Variants in TSPAN10 observed in about 807,000 individuals in gnomAD.
TSPAN10 encodes the protein tetraspanin 10.
Under a neutral mutation model 15.0 loss-of-function variants are expected in TSPAN10, and 11 were observed. The observed-to-expected ratio is 0.73, with a 90% CI of 0.46 to 1.21. The LOEUF (loss-of-function observed/expected upper bound fraction) is 1.21. Among genes scored for constraint, TSPAN10 ranks in the 50% most tolerant of loss-of-function variants. The probability of loss-of-function intolerance (pLI) is 0.00; values close to 1 mark genes in which losing one functional copy is unlikely to be tolerated. For synonymous variants in TSPAN10, 241 were observed against 226.2 expected, an observed-to-expected ratio of 1.07 and a Z score of -0.59; for missense variants, 486 against 470.6, an observed-to-expected ratio of 1.03 and a Z score of -0.30.
upstream of TSPAN10, chr17:81,637,538 C>T: frequency 6.8e-6 from 4 of 591,228 alleles, no homozygotes; most frequent in South Asian, 7.6e-5. Context: ...GTGGCTCATA[C>T]CTGTAATCCC....
upstream of TSPAN10, chr17:81,638,819 C>T (rs1197396459): frequency 2.0e-5 from 3 of 152,080 alleles, no homozygotes; most frequent in Non-Finnish European, 4.4e-5. Context: ...AAGCGCTGAT[C>T]TGTTTTTTAA....
chr17:81,645,344 T>C (rs777729752), exon 2 of TSPAN10: 2 of 1,574,258 alleles, frequency 1.3e-6, no homozygotes, highest in South Asian at 1.2e-5. Context: ...GGAGGGCTGG[T>C]GGTCAGCGCA....
chr17:81,647,981 C>T (rs1376132829), exon 3 of TSPAN10: 3 of 1,611,202 alleles, frequency 1.9e-6, no homozygotes, highest in African/African-American at 2.7e-5. Flanking sequence ...GAAGATGGAG[C>T]CTCTGTCAAC....
rs376318100 is a variant in TSPAN10, at chr17:81,645,123, C to A, written c.168C>A (p.Ala56=). The stretch of plus-strand genomic sequence containing the variant: ...GTCCCCCGGAGACCAAGCACCAGGC[C>A]TTGAGTGGCACCCCCAAGAAAGGAC... The change falls in exon 2 of 3, where the codon GCC becomes GCA. Residue 56 remains alanine (A), a synonymous_variant. Coordinates refer to ENST00000611590, the Ensembl canonical transcript of TSPAN10. The A allele has an allele frequency of 1.6e-4, 247 of 1,582,210 alleles. 1 individual carries two copies. The highest frequency in any genetic ancestry group is 2.0e-4 in the Non-Finnish European group (231 of 1,170,612).
At chr17:81,641,883 C>CA (rs1324735781), upstream of TSPAN10, among the ~76,000 whole-genome samples, 1 of 104,232 alleles carries the variant, frequency 9.6e-6, no homozygotes, top group Non-Finnish European at 1.7e-5. Flanking sequence ...GTCTCAAAAA[C>CA]AAAAACAAGG....
chr17:81,645,763 A>C lies in TSPAN10; in HGVS notation c.674+134A>C, dbSNP rs1429300557. 1.7e-5 allele frequency: 20 copies of C among 1,159,142 alleles called. No homozygotes were observed. In the East Asian group the frequency reaches 4.8e-4, roughly 28 times the overall value. The allele number at this position is 1,159,142 out of a possible 1,614,324, so 71.8% of individuals were successfully genotyped here. The stretch of plus-strand genomic sequence containing the variant: ...CCCACATGCATGCACACGTATACCC[A>C]CATGTACACGCATATCCACACTGGC... On this transcript the variant is annotated intron_variant, in intron 2 of 2. Transcript: ENST00000611590.
intron 1 of TSPAN10, among the ~76,000 whole-genome samples, chr17:81,644,567 A>G (rs57528982): frequency 0.5 from 76,263 of 151,748 alleles, 21,010 homozygotes; most frequent in East Asian, 0.99. Flanking sequence ...ATCCACGCAG[A>G]TGCTGTTTCA....
intron 1 of TSPAN10, 67 bp downstream of exon 2, chr17:81,642,515 G>T: frequency 6.6e-7 from 1 of 1,526,180 alleles, no homozygotes; most frequent in South Asian, 1.2e-5. Flanking sequence ...CCTAAGGGAA[G>T]TCCCTGGGCT....
At chr17:81,647,735 T>C in intron 2 of TSPAN10, 166 bp from the exon 4 acceptor site, 1 of 699,402 alleles carries the variant, frequency 1.4e-6, no homozygotes, top group Non-Finnish European at 2.4e-6. Flanking sequence ...GTGCTGTGTG[T>C]GTCCGTGTGT....
Position 81,644,977 on chromosome 17 carries a change from C to G in TSPAN10, c.37-15C>G. On this transcript the variant is annotated splice_polypyrimidine_tract_variant and intron_variant, in intron 1 of 2. Coordinates refer to ENST00000611590, the Ensembl canonical transcript of TSPAN10. Reference sequence around the variant, plus strand: ...GGGTGAATGCGGTCTCACCCTGTTCCTCTTCCCTCTGCAGGAAACTGCAGG... The same window carrying G: ...GGGTGAATGCGGTCTCACCCTGTTCGTCTTCCCTCTGCAGGAAACTGCAGG... 1 of 1,609,496 alleles carries G rather than the reference C, an allele frequency of 6.2e-7. No homozygotes were observed. Among genetic ancestry groups the G allele is most frequent in the South Asian group, 1.1e-5 (1 of 90,916 alleles).
chr17:81,644,783 C>T (rs548602147), intron 1 of TSPAN10, among the ~76,000 whole-genome samples: 2 of 152,382 alleles, frequency 1.3e-5, no homozygotes, highest in Non-Finnish European at 1.5e-5. Flanking sequence ...GGGACCCTCA[C>T]TGCCCCTTCT....
upstream of TSPAN10, chr17:81,637,607 T>G: frequency 1.9e-6 from 1 of 514,644 alleles, no homozygotes; most frequent in Non-Finnish European, 3.5e-6. Flanking sequence ...GAGACCAGCC[T>G]GGCCAAAATG....
At chr17:81,645,751 A>C in intron 2 of TSPAN10, 122 bp downstream of exon 3, 1 of 1,286,414 alleles carries the variant, frequency 7.8e-7, no homozygotes, top group Non-Finnish European at 1.1e-6. Flanking sequence ...ACATGCATGC[A>C]CACGTATACC....
chr17:81,647,410 G>A, intron 2 of TSPAN10: 3 of 457,612 alleles, frequency 6.6e-6, no homozygotes, highest in South Asian at 4.6e-5. Flanking sequence ...ACACTCCCTA[G>A]CTACCCTGGG....
At chr17:81,639,586 CT>C (rs137912261), upstream of TSPAN10, among the ~76,000 whole-genome samples, 13 of 148,554 alleles carry the variant, frequency 8.8e-5, no homozygotes, top group East Asian at 7.9e-4. Flanking sequence ...TTGTTTTCTT[CT>C]TTTTTTTTTC....
At chr17:81,642,666 A>T (rs1017064613) in intron 1 of TSPAN10, among the ~76,000 whole-genome samples, 1 of 152,120 alleles carries the variant, frequency 6.6e-6, no homozygotes, top group African/African-American at 2.4e-5. Flanking sequence ...TGGTCAAGGG[A>T]TCTGCCAGAT....
rs1485236133 is a variant in TSPAN10, at chr17:81,643,334, G to A, written c.36+886G>A. 6.4e-4 allele frequency among the ~76,000 whole-genome samples: 25 copies of A among 38,900 alleles called. 9 individuals are homozygous for A. Among genetic ancestry groups the A allele is most frequent in the South Asian group, 5.7e-3 (3 of 522 alleles). The allele number at this position is 38,900 out of a possible 152,430, so 25.5% of individuals were successfully genotyped here. ...ATTTTAAAAAATTACCGGGACGGCC[G>A]GGCGCGGTGGCTCACGCCTGTAATC... On this transcript the variant is annotated intron_variant, in intron 1 of 2. Transcript: ENST00000611590.
At chr17:81,645,766 T>A (rs2036244585) in intron 2 of TSPAN10, 137 bp downstream of exon 3, 2 of 1,120,268 alleles carry the variant, frequency 1.8e-6, no homozygotes, top group Non-Finnish European at 2.6e-6. Flanking sequence ...TATACCCACA[T>A]GTACACGCAT....
chr17:81,645,020 T>G (rs913727672), exon 2 of TSPAN10: 3 of 1,610,152 alleles, frequency 1.9e-6, no homozygotes, highest in Non-Finnish European at 2.5e-6. Context: ...CCCCTCTCTG[T>G]GCACAGGCCA....
Sources: gnomAD v4.1 joint callset for allele counts (sites outside exome capture counted in the v4.1 genomes callset) on GRCh38, gnomAD v4.1.1 for gene constraint, MANE v1.5 for transcripts, NCBI Gene and HGNC (gene_info 2026-07-23, HGNC 2026-07-21) for gene names.